Variants in CSMD1 observed in about 807,000 individuals in gnomAD.
CSMD1 encodes CUB and sushi domain-containing protein 1.
Under a neutral mutation model 417.5 loss-of-function variants are expected in CSMD1, and 213 were observed. That is an observed-to-expected ratio of 0.51 (90% confidence interval 0.46 to 0.57). CSMD1 has a LOEUF of 0.57. Ranked by LOEUF, CSMD1 falls within the 20% of genes least tolerant of loss-of-function variation. The pLI, the probability that CSMD1 is intolerant of heterozygous loss-of-function variation, is 0.00. For synonymous variants in CSMD1, 2,862 were observed against 1,736.8 expected, an observed-to-expected ratio of 1.65 and a Z score of -16.11; for missense variants, 6,923 against 4,529.7, an observed-to-expected ratio of 1.53 and a Z score of -15.17.
chr8:4,150,140 C>G (rs947657285), intron 3 of CSMD1, among the ~76,000 whole-genome samples: 1 of 152,160 alleles, frequency 6.6e-6, no homozygotes, highest in East Asian at 1.9e-4. Context: ...AAGGAATAAA[C>G]TGTGATATCT....
chr8:4,957,749 G>A (rs1254651544), intron 1 of CSMD1, among the ~76,000 whole-genome samples: 1 of 151,950 alleles, frequency 6.6e-6, no homozygotes, highest in South Asian at 2.1e-4. Context: ...TTCTCTATAA[G>A]GACTCACCAT....
chr8:4,865,999 A>G (rs1323519415), intron 1 of CSMD1, among the ~76,000 whole-genome samples: 9 of 151,914 alleles, frequency 5.9e-5, no homozygotes, highest in Admixed American at 5.9e-4. Context: ...CTTAATAGCA[A>G]CATCTAAATT....
At chr8:4,149,767 A>T (rs1325027071) in intron 3 of CSMD1, among the ~76,000 whole-genome samples, 1 of 152,190 alleles carries the variant, frequency 6.6e-6, no homozygotes, top group Non-Finnish European at 1.5e-5. Flanking sequence ...GCCTTGCTGG[A>T]TGTGTCGTAG....
intron 3 of CSMD1, among the ~76,000 whole-genome samples, chr8:4,393,864 C>T (rs1322813637): frequency 2.6e-5 from 4 of 152,274 alleles, no homozygotes; most frequent in East Asian, 3.9e-4. Context: ...ACACATGGAG[C>T]ACACGGAACA....
In CSMD1 at chr8:3,317,567, A is replaced by G. The variant is rs1244406568; in HGVS notation, c.3632-9064T>C. ...AGGGGTGAATAGTTAAAAAATAAAA[A>G]GCCCAGAATGACTTAATTTTGTTTT... is the stretch of plus-strand genomic sequence containing the variant. On this transcript the variant is annotated intron_variant, in intron 23 of 69. Transcript: ENST00000635120. Among the ~76,000 whole-genome samples, 3 of 152,318 alleles carry G rather than the reference A, an allele frequency of 2.0e-5. No individual in the cohort carries two copies. The East Asian group carries it at 5.8e-4, about 29-fold the overall frequency.
In CSMD1 at chr8:4,444,130, T is replaced by A. The variant is rs117882494; in HGVS notation, c.303-24065A>T. ...GTCGAGGCAGGTCGATCACTTCAGGTCAGAAATTTGAGACCACTCTGGCCA... is the reference window on the plus strand; with the variant it reads ...GTCGAGGCAGGTCGATCACTTCAGGACAGAAATTTGAGACCACTCTGGCCA... On this transcript the variant is annotated intron_variant, in intron 2 of 69. Coordinates refer to ENST00000635120, the MANE Select transcript of CSMD1 (RefSeq NM_033225.6). Among the ~76,000 whole-genome samples, 1,038 of 151,834 alleles carry A rather than the reference T, an allele frequency of 6.8e-3. 9 individuals are homozygous for A. The highest frequency in any genetic ancestry group is 0.01 in the Middle Eastern group (3 of 292).
At chr8:4,204,225 A>G (rs979584144) in intron 3 of CSMD1, among the ~76,000 whole-genome samples, 1 of 152,150 alleles carries the variant, frequency 6.6e-6, no homozygotes, top group African/African-American at 2.4e-5. Context: ...TCACACCAGA[A>G]CATCCTCTTT....
At chr8:3,739,705 G>A (rs150368925) in intron 6 of CSMD1, among the ~76,000 whole-genome samples, 2 of 152,128 alleles carry the variant, frequency 1.3e-5, no homozygotes, top group African/African-American at 2.4e-5. Flanking sequence ...ATGGCATAAT[G>A]GGTATTATAA....
intron 7 of CSMD1, among the ~76,000 whole-genome samples, chr8:3,658,255 G>A (rs1031969673): frequency 6.6e-6 from 1 of 151,992 alleles, no homozygotes; most frequent in African/African-American, 2.4e-5. Flanking sequence ...AGGCATGGGA[G>A]TGAAATGTAT....
At chr8:4,055,789 C>G (rs1038530797) in intron 3 of CSMD1, among the ~76,000 whole-genome samples, 1 of 152,102 alleles carries the variant, frequency 6.6e-6, no homozygotes, top group African/African-American at 2.4e-5. Flanking sequence ...GACTCTTCAG[C>G]ACTTCAAATG....
intron 41 of CSMD1, among the ~76,000 whole-genome samples, chr8:3,119,019 A>T (rs1817030973): frequency 6.6e-6 from 1 of 152,106 alleles, no homozygotes; most frequent in Admixed American, 6.5e-5. Flanking sequence ...TCTCTACTAA[A>T]AATACAAAAA....
intron 3 of CSMD1, among the ~76,000 whole-genome samples, chr8:4,120,465 C>T (rs1423871679): frequency 3.3e-5 from 5 of 152,188 alleles, no homozygotes; most frequent in Non-Finnish European, 5.9e-5. Context: ...CTGCCAGTCA[C>T]TTCTCACACA....
chr8:3,329,939 G>A (rs113289020), intron 23 of CSMD1, among the ~76,000 whole-genome samples: 1,565 of 152,294 alleles, frequency 0.01, 32 homozygotes, highest in African/African-American at 0.035. Flanking sequence ...CTGGGTTAAA[G>A]AAACTGTATT....
intron 3 of CSMD1, among the ~76,000 whole-genome samples, chr8:4,224,423 G>A (rs532594885): frequency 1.3e-5 from 2 of 152,222 alleles, no homozygotes; most frequent in South Asian, 2.1e-4. Context: ...AATACACCTA[G>A]GAAATCTTTT....
intron 6 of CSMD1, among the ~76,000 whole-genome samples, chr8:3,745,962 G>T (rs937860612): frequency 6.6e-6 from 1 of 152,120 alleles, no homozygotes; most frequent in African/African-American, 2.4e-5. Context: ...ATGACCAGTT[G>T]GTCAATGTAA....
chr8:4,160,301 C>G (rs374873306), intron 3 of CSMD1, among the ~76,000 whole-genome samples: 1 of 152,082 alleles, frequency 6.6e-6, no homozygotes, highest in Non-Finnish European at 1.5e-5. Context: ...TTAGGAAACT[C>G]TCCAGCAACA....
intron 4 of CSMD1, among the ~76,000 whole-genome samples, chr8:4,005,395 G>A (rs1442677787): frequency 3.3e-5 from 5 of 152,200 alleles, no homozygotes; most frequent in African/African-American, 7.2e-5. Flanking sequence ...ACGTGGCCGG[G>A]TGGTCACTCC....
chr8:4,444,110 G>A (rs148315146), intron 2 of CSMD1, among the ~76,000 whole-genome samples: 99 of 152,110 alleles, frequency 6.5e-4, no homozygotes, highest in African/African-American at 2.2e-3. Context: ...GGGAGGTCGA[G>A]GCAGGTCGAT....
chr8:3,347,781 T>G (rs1469601298), intron 22 of CSMD1, among the ~76,000 whole-genome samples: 1 of 152,200 alleles, frequency 6.6e-6, no homozygotes, highest in Admixed American at 6.6e-5. Context: ...GATCGAGGTT[T>G]ATCTACAAAG....
Sources: allele counts gnomAD v4.1 joint callset (sites outside exome capture counted in the v4.1 genomes callset), GRCh38; gene constraint gnomAD v4.1.1; transcripts MANE v1.5; gene names NCBI Gene and HGNC (gene_info 2026-07-23, HGNC 2026-07-21).